SHC3: variants seen among roughly 807,000 people sequenced by gnomAD.
SHC3 encodes SHC-transforming protein 3.
In SHC3, 15 loss-of-function variants were observed where a neutral mutation model predicts 60.4. The ratio of observed to expected loss-of-function variants is 0.25; its 90% CI spans 0.17 to 0.38. The LOEUF (loss-of-function observed/expected upper bound fraction) is 0.38. SHC3 is among the 10% of genes least tolerant of loss of function. The pLI, the probability that SHC3 is intolerant of heterozygous loss-of-function variation, is 1.00. For synonymous variants in SHC3, 294 were observed against 325.9 expected, an observed-to-expected ratio of 0.90 and a Z score of 1.05; for missense variants, 677 against 786.1, an observed-to-expected ratio of 0.86 and a Z score of 1.66.
chr9:89,095,439 C>T (rs1164852958), intron 2 of SHC3, among the ~76,000 whole-genome samples: 2 of 152,058 alleles, frequency 1.3e-5, no homozygotes, highest in African/African-American at 2.4e-5. Flanking sequence ...GTGGGAGTTG[C>T]TGGATCGGGA....
At chr9:89,096,221 T>C (rs2118067027) in intron 2 of SHC3, among the ~76,000 whole-genome samples, 2 of 152,270 alleles carry the variant, frequency 1.3e-5, no homozygotes, top group Admixed American at 1.3e-4. Flanking sequence ...TTCTACTAAG[T>C]AGGCATGAGA....
In SHC3 at chr9:89,050,270, A is replaced by AT. The variant is rs1278845925; in HGVS notation, c.962+1766dup. On this transcript the variant is annotated intron_variant, in intron 7 of 11. Transcript: ENST00000375835. The stretch of plus-strand genomic sequence containing the variant: ...CTGGAGTTGTGTATAGCATTTTTGC[A>AT]TTTTTTTGTTGTTGTTTGTGTGTTT... Among the ~76,000 whole-genome samples, 18 of 152,020 alleles carry AT rather than the reference A, an allele frequency of 1.2e-4. No homozygotes were observed. In the East Asian group the frequency reaches 3.3e-3, roughly 28 times the overall value.
At chr9:89,102,294 CT>C (rs1182327325) in intron 2 of SHC3, among the ~76,000 whole-genome samples, 2 of 152,048 alleles carry the variant, frequency 1.3e-5, no homozygotes, top group South Asian at 4.1e-4. Flanking sequence ...TTTCCTCTAT[CT>C]TTTTTCAGAT....
intron 1 of SHC3, among the ~76,000 whole-genome samples, chr9:89,129,226 G>A (rs370211591): frequency 6.6e-6 from 1 of 152,212 alleles, no homozygotes; most frequent in South Asian, 2.1e-4. Context: ...AAAAAGAAAT[G>A]AACAAAGCCT....
chr9:89,105,733 T>C (rs1347729428), intron 2 of SHC3, among the ~76,000 whole-genome samples: 1 of 152,156 alleles, frequency 6.6e-6, no homozygotes, highest in Non-Finnish European at 1.5e-5. Flanking sequence ...TCATCATCAT[T>C]AGAATTAGTA....
intron 1 of SHC3, among the ~76,000 whole-genome samples, chr9:89,149,408 A>AT (rs1354643557): frequency 6.6e-6 from 1 of 152,178 alleles, no homozygotes; most frequent in Non-Finnish European, 1.5e-5. Flanking sequence ...TTAAATTTTA[A>AT]TGTCCCATCC....
chr9:89,148,589 G>A lies in SHC3; in HGVS notation c.474+29398C>T, dbSNP rs184891921. On this transcript the variant is annotated intron_variant, in intron 1 of 11. Transcript: ENST00000375835. ...TGGGGCTCAGATGTATTTCCTAATA[G>A]ATCAATAAGTTGACATTTTCCAAAC... is the stretch of plus-strand genomic sequence containing the variant. Among the ~76,000 whole-genome samples, 127 of 152,172 alleles carry A rather than the reference G, an allele frequency of 8.3e-4. 2 individuals are homozygous for A. The highest frequency in any genetic ancestry group is 5.7e-4 in the Non-Finnish European group (39 of 68,038).
At position 89,172,307 on chromosome 9, in the gene SHC3, T is replaced by C. The variant is rs142846856; in HGVS notation, c.474+5680A>G. ...TCACCAATTCTAGCACTGGGAGACA[T>C]GGATTAATTACTCCCAGTGGACCCT... On this transcript the variant is annotated intron_variant, in intron 1 of 11. Coordinates refer to ENST00000375835, the MANE Select transcript of SHC3 (RefSeq NM_016848.6). Among the ~76,000 whole-genome samples the C allele has an allele frequency of 1.2e-3, 184 of 152,318 alleles. 1 individual carries two copies. The highest frequency in any genetic ancestry group is 4.1e-3 in the African/African-American group (169 of 41,568).
At chr9:89,157,088 A>G (rs1296489947) in intron 1 of SHC3, among the ~76,000 whole-genome samples, 1 of 152,258 alleles carries the variant, frequency 6.6e-6, no homozygotes, top group East Asian at 1.9e-4. Flanking sequence ...TTGGCACCCT[A>G]CAAGTAAGGG....
At chr9:89,028,131 T>C (rs2118661384) in intron 11 of SHC3, among the ~76,000 whole-genome samples, 1 of 152,312 alleles carries the variant, frequency 6.6e-6, no homozygotes, top group African/African-American at 2.4e-5. Context: ...CTTCTCAACC[T>C]AAAGTCTAAA....
At chr9:89,088,458 C>G (rs1279898429) in intron 2 of SHC3, 2 of 152,170 alleles carry the variant, frequency 1.3e-5, no homozygotes, top group African/African-American at 4.8e-5. Flanking sequence ...GTGTCTCCAG[C>G]CTTGGTCACT....
intron 1 of SHC3, among the ~76,000 whole-genome samples, chr9:89,113,360 G>A (rs990113338): frequency 1.3e-5 from 2 of 152,126 alleles, no homozygotes; most frequent in African/African-American, 4.8e-5. Context: ...TGAAGATACA[G>A]ATGTTTTAGA....
intron 1 of SHC3, among the ~76,000 whole-genome samples, chr9:89,159,822 G>A (rs1826678213): frequency 6.6e-6 from 1 of 152,348 alleles, no homozygotes; most frequent in Non-Finnish European, 1.5e-5. Context: ...GCTGGCAGCT[G>A]ATTAGATGGT....
intron 7 of SHC3, 76 bp from the exon 8 acceptor site, chr9:89,047,070 G>C: frequency 2.1e-6 from 3 of 1,422,472 alleles, no homozygotes; most frequent in Non-Finnish European, 2.8e-6. Context: ...TAATGTTAGC[G>C]CCTGTTATTA....
intron 1 of SHC3, among the ~76,000 whole-genome samples, chr9:89,165,872 G>A (rs972849258): frequency 3.9e-5 from 6 of 152,136 alleles, no homozygotes; most frequent in South Asian, 2.1e-4. Context: ...AGCCCATGAC[G>A]CTTGTCTCAG....
chr9:89,038,342 TA>T (rs4061828), intron 10 of SHC3, 54 bp from the exon 11 acceptor site: 257,486 of 1,188,624 alleles, frequency 0.22, 6,662 homozygotes, highest in Middle Eastern at 0.26. Context: ...GAGCAAATGA[TA>T]AAAAAAAAAA....
chr9:89,164,858 A>C (rs1163803221), intron 1 of SHC3, among the ~76,000 whole-genome samples: 1 of 152,226 alleles, frequency 6.6e-6, no homozygotes, highest in Non-Finnish European at 1.5e-5. Flanking sequence ...AGCCAGGAGC[A>C]ACAAAGTAGC....
intron 1 of SHC3, among the ~76,000 whole-genome samples, chr9:89,117,588 G>A (rs889373894): frequency 6.6e-6 from 1 of 151,988 alleles, no homozygotes; most frequent in African/African-American, 2.4e-5. Flanking sequence ...ATTGCTTTCA[G>A]TTGTTAGAGG....
At chr9:89,078,264 T>G (rs945154370) in intron 2 of SHC3, among the ~76,000 whole-genome samples, 1 of 152,110 alleles carries the variant, frequency 6.6e-6, no homozygotes, top group Non-Finnish European at 1.5e-5. Flanking sequence ...ATGCTATCTA[T>G]CTCCATGGCT....
Sources: allele counts gnomAD v4.1 joint callset (sites outside exome capture counted in the v4.1 genomes callset), GRCh38; gene constraint gnomAD v4.1.1; transcripts MANE v1.5; gene names NCBI Gene and HGNC (gene_info 2026-07-23, HGNC 2026-07-21).